Variants in GRID2 observed in about 807,000 individuals in gnomAD.
The protein encoded by GRID2 is glutamate ionotropic receptor delta type subunit 2, also known as glutamate receptor ionotropic, delta-2.
In GRID2, 33 loss-of-function variants were observed where a neutral mutation model predicts 114.8. The observed-to-expected ratio is 0.29, with a 90% CI of 0.22 to 0.38. The LOEUF (loss-of-function observed/expected upper bound fraction) is 0.38, where lower values mean the gene tolerates loss of function less well. Among genes scored for constraint, GRID2 ranks in the 10% least tolerant of loss-of-function variants. The probability of loss-of-function intolerance (pLI) is 1.00; values close to 1 mark genes in which losing one functional copy is unlikely to be tolerated. For missense variants in GRID2, 1,184 were observed against 1,257.7 expected (o/e 0.94, Z 0.89); for synonymous variants, 505 against 449.9 (o/e 1.12, Z -1.55).
intron 8 of GRID2, among the ~76,000 whole-genome samples, 173 bp downstream of exon 8, chr4:93,238,663 T>C (rs1747102842): frequency 6.6e-6 from 1 of 151,718 alleles, no homozygotes; most frequent in Non-Finnish European, 1.5e-5. Flanking sequence ...TTACCAGAAG[T>C]ATTAAGCAAG....
chr4:92,754,799 T>C (rs917355268), intron 2 of GRID2, among the ~76,000 whole-genome samples: 1 of 152,172 alleles, frequency 6.6e-6, no homozygotes, highest in Admixed American at 6.6e-5. Flanking sequence ...GAATTGGAGA[T>C]TCAAAAGAGA....
chr4:93,490,362 T>C (rs1425432886), intron 11 of GRID2, among the ~76,000 whole-genome samples: 1 of 151,894 alleles, frequency 6.6e-6, no homozygotes, highest in Non-Finnish European at 1.5e-5. Context: ...GTGATTATAA[T>C]AAAAGGTAAT....
At chr4:92,611,084 GTATATA>G (rs757745274) in intron 2 of GRID2, among the ~76,000 whole-genome samples, 6 of 136,034 alleles carry the variant, frequency 4.4e-5, no homozygotes, top group Admixed American at 1.5e-4. Flanking sequence ...ATATATGTGT[GTATATA>G]TATGTGTGTG....
intron 8 of GRID2, among the ~76,000 whole-genome samples, chr4:93,271,821 G>T (rs1418295319): frequency 6.6e-6 from 1 of 151,872 alleles, no homozygotes; most frequent in Non-Finnish European, 1.5e-5. Context: ...CATTAACAAA[G>T]CTAAAAGTCA....
At chr4:92,538,776 T>C (rs1020113454) in intron 1 of GRID2, among the ~76,000 whole-genome samples, 2 of 152,162 alleles carry the variant, frequency 1.3e-5, no homozygotes, top group Admixed American at 1.3e-4. Flanking sequence ...TAAGGTATTG[T>C]AATAATGGCA....
At chr4:93,203,751 A>G (rs561928289) in intron 4 of GRID2, among the ~76,000 whole-genome samples, 6 of 152,300 alleles carry the variant, frequency 3.9e-5, no homozygotes, top group Admixed American at 1.3e-4. Flanking sequence ...GCTCAGCACT[A>G]CAGCATAGAG....
intron 13 of GRID2, among the ~76,000 whole-genome samples, chr4:93,530,482 T>G (rs1372244089): frequency 6.6e-6 from 1 of 152,180 alleles, no homozygotes; most frequent in Non-Finnish European, 1.5e-5. Flanking sequence ...ATATCAGGTA[T>G]TGCTCATTTC....
intron 2 of GRID2, among the ~76,000 whole-genome samples, chr4:92,779,943 T>G (rs1738990204): frequency 6.6e-6 from 1 of 152,180 alleles, no homozygotes; most frequent in African/African-American, 2.4e-5. Context: ...TAAGATGTTT[T>G]AATCTTTGGT....
intron 2 of GRID2, among the ~76,000 whole-genome samples, chr4:92,733,733 G>A (rs142831697): frequency 5.1e-4 from 78 of 152,100 alleles, no homozygotes; most frequent in Non-Finnish European, 9.7e-4. Context: ...TGCTATCACT[G>A]AGTTAAATCA....
intron 2 of GRID2, among the ~76,000 whole-genome samples, chr4:93,044,151 A>G (rs1483839575): frequency 6.6e-6 from 1 of 152,068 alleles, no homozygotes; most frequent in East Asian, 1.9e-4. Flanking sequence ...TAATCCCAAA[A>G]TGATCCTTTG....
chr4:93,279,994 T>C (rs1397559382), intron 8 of GRID2, among the ~76,000 whole-genome samples: 1 of 151,946 alleles, frequency 6.6e-6, no homozygotes, highest in Non-Finnish European at 1.5e-5. Context: ...AGCAATGTGA[T>C]GGATCGCTTA....
chr4:92,925,942 TTGTG>T (rs1454269180), intron 2 of GRID2, among the ~76,000 whole-genome samples: 2 of 152,022 alleles, frequency 1.3e-5, no homozygotes, highest in Non-Finnish European at 2.9e-5. Context: ...TTCCCATCAT[TTGTG>T]TGTTTTTGTA....
At chr4:92,863,994 A>T (rs190896836) in intron 2 of GRID2, among the ~76,000 whole-genome samples, 1 of 152,174 alleles carries the variant, frequency 6.6e-6, no homozygotes, top group Non-Finnish European at 1.5e-5. Context: ...ATACTGTTTT[A>T]TTTCCATTTA....
At chr4:93,351,747 G>A (rs1204000395) in intron 8 of GRID2, among the ~76,000 whole-genome samples, 1 of 152,016 alleles carries the variant, frequency 6.6e-6, no homozygotes, top group East Asian at 1.9e-4. Flanking sequence ...GATAAAGAAT[G>A]GGAGACTCAG....
chr4:92,967,424 T>C (rs573592803), intron 2 of GRID2, among the ~76,000 whole-genome samples: 1 of 151,978 alleles, frequency 6.6e-6, no homozygotes, highest in African/African-American at 2.4e-5. Context: ...ATTTAGTCTA[T>C]AGGAAAATTT....
intron 2 of GRID2, among the ~76,000 whole-genome samples, chr4:92,990,786 G>A (rs1754852343): frequency 6.6e-6 from 1 of 151,928 alleles, no homozygotes; most frequent in Non-Finnish European, 1.5e-5. Flanking sequence ...CCCTAGAAAC[G>A]GATTTGATGG....
At chr4:93,769,785 C>G (rs1733967699) in intron 15 of GRID2, among the ~76,000 whole-genome samples, 1 of 152,116 alleles carries the variant, frequency 6.6e-6, no homozygotes, top group Non-Finnish European at 1.5e-5. Flanking sequence ...CACAGAGATA[C>G]TTACCATTTT....
intron 2 of GRID2, among the ~76,000 whole-genome samples, chr4:92,739,559 C>G (rs928700833): frequency 2.6e-5 from 4 of 151,890 alleles, no homozygotes; most frequent in African/African-American, 9.7e-5. Context: ...ATTCTCAAAC[C>G]AGTCCGTCCT....
chr4:93,557,328 C>A (rs1279464439), intron 13 of GRID2, among the ~76,000 whole-genome samples: 1 of 152,132 alleles, frequency 6.6e-6, no homozygotes, highest in Non-Finnish European at 1.5e-5. Flanking sequence ...CATCAGTGTG[C>A]TGTATTCAGG....
Sources: allele counts gnomAD v4.1 joint callset (sites outside exome capture counted in the v4.1 genomes callset), GRCh38; gene constraint gnomAD v4.1.1; transcripts MANE v1.5; gene names NCBI Gene and HGNC (gene_info 2026-07-23, HGNC 2026-07-21).